Variants in RPTOR observed in about 807,000 individuals in gnomAD.
The protein encoded by RPTOR is regulatory-associated protein of mTOR.
RPTOR carries 21 observed loss-of-function variants against 169.9 expected under a neutral mutation model. That is an observed-to-expected ratio of 0.12 (90% CI 0.09 to 0.18). RPTOR has a LOEUF of 0.18. Ranked by LOEUF, RPTOR falls within the 10% of genes least tolerant of loss-of-function variation. RPTOR has a pLI of 1.00. For missense variants in RPTOR, 1,133 were observed against 1,855.9 expected (o/e 0.61, Z 7.16); for synonymous variants, 732 against 753.2 (o/e 0.97, Z 0.46).
At chr17:80,700,619 G>GTGATGA (rs2143054875) in intron 3 of RPTOR, among the ~76,000 whole-genome samples, 1 of 149,742 alleles carries the variant, frequency 6.7e-6, no homozygotes, top group East Asian at 2.0e-4. Context: ...GGTGATGGTG[G>GTGATGA]TGGTGGTGGC....
rs9912373 is a variant in RPTOR, at chr17:80,947,411, G to A, written c.3265+60G>A. ...AGGGTCTGGAGGAGTGGCGGGGAGG[G>A]TGTGTGATCCTGAGATGTGTTTGTA... On this transcript the variant is annotated intron_variant, in intron 27 of 33. Coordinates refer to ENST00000306801, the MANE Select transcript of RPTOR (RefSeq NM_020761.3). This position sits in a 1 kb window ranked among gnomAD's most constrained non-coding sequence, Gnocchi z 4.4. 153,909 of 1,471,458 alleles carry A rather than the reference G, an allele frequency of 0.1. 8,534 individuals carry two copies. The highest frequency in any genetic ancestry group is 0.18 in the African/African-American group (12,291 of 69,338). The allele number at this position is 1,471,458 out of a possible 1,614,324, so 91.2% of individuals were successfully genotyped here.
Position 80,872,230 on chromosome 17 carries a change from G to A in RPTOR, c.1510-8185G>A, listed in dbSNP as rs112722555. 6.4e-3 allele frequency among the ~76,000 whole-genome samples: 974 copies of A among 152,336 alleles called. 11 individuals are homozygous for A. The highest frequency in any genetic ancestry group is 0.022 in the African/African-American group (912 of 41,564). ...AAGCTGTCATCAGCGAGGAGGTGCC[G>A]TTGAGGGGACTCCGGGTGATGCTTT... On this transcript the variant is annotated intron_variant, in intron 13 of 33. Coordinates refer to ENST00000306801, the MANE Select transcript of RPTOR (RefSeq NM_020761.3).
intron 13 of RPTOR, among the ~76,000 whole-genome samples, chr17:80,862,351 C>T (rs1370699749): frequency 2.6e-5 from 4 of 152,138 alleles, no homozygotes; most frequent in African/African-American, 9.7e-5. Flanking sequence ...TCCATCGTTA[C>T]CCTGGCGATA....
intron 20 of RPTOR, among the ~76,000 whole-genome samples, chr17:80,903,102 T>C (rs2068496840): frequency 6.6e-6 from 1 of 152,172 alleles, no homozygotes; most frequent in African/African-American, 2.4e-5. Context: ...GGATCCAGGA[T>C]GGACTAATGC....
rs144097914 is a variant in RPTOR at position 80,965,125 on chromosome 17, G to C, written c.*795G>C. 4.3e-6 allele frequency: 1 copy of C among 233,216 alleles called. No homozygotes were observed. The highest frequency in any genetic ancestry group is 8.5e-6 in the Non-Finnish European group (1 of 118,088). The allele number at this position is 233,216 out of a possible 1,614,324, so 14.4% of individuals were successfully genotyped here. On this transcript the variant is annotated 3_prime_UTR_variant, in exon 34 of 34. Transcript: ENST00000306801. ...CGAGGTAGCCCCTGCCTTAATCCAC[G>C]GGGCTCCTTTCCCTCCGAAGGGCTG...
At chr17:80,561,275 A>T (rs192550374) in intron 1 of RPTOR, among the ~76,000 whole-genome samples, 1 of 54,962 alleles carries the variant, frequency 1.8e-5, no homozygotes. Context: ...ATATATATAT[A>T]TATATATATA....
Position 80,823,501 on chromosome 17 carries a change from C to T in RPTOR, c.1136+278C>T, listed in dbSNP as rs796202952. On this transcript the variant is annotated intron_variant, in intron 9 of 33. Coordinates refer to ENST00000306801, the MANE Select transcript of RPTOR (RefSeq NM_020761.3). This position sits in a 1 kb window ranked among gnomAD's most constrained non-coding sequence, Gnocchi z 4.5. Reference sequence around the variant, plus strand: ...AGCTCTGCAACTCGGGAGGGTAGCACTTTGCAAGAGAGTTTCTAACCTTTT... The same window carrying T: ...AGCTCTGCAACTCGGGAGGGTAGCATTTTGCAAGAGAGTTTCTAACCTTTT... 1.8e-4 allele frequency: 60 copies of T among 340,558 alleles called. No homozygotes were observed. The highest frequency in any genetic ancestry group is 1.1e-3 in the African/African-American group (51 of 48,404). 21.1% of individuals were successfully genotyped at this position (340,558 alleles called of 1,614,324 possible).
intron 23 of RPTOR, among the ~76,000 whole-genome samples, chr17:80,924,381 G>C (rs1455633091): frequency 6.6e-6 from 1 of 152,158 alleles, no homozygotes; most frequent in Non-Finnish European, 1.5e-5. Context: ...TCAGCAATGA[G>C]TGGGGTCCGG....
At position 80,947,969 on chromosome 17, in the gene RPTOR, T is replaced by C. The variant is rs2069123076; in HGVS notation, c.3265+618T>C. Reference sequence around the variant, plus strand: ...TTCATCTTCACTTTGGAACAATCGTTTGTTTCCATGTCAGTTACCCCACGT... The same window carrying C: ...TTCATCTTCACTTTGGAACAATCGTCTGTTTCCATGTCAGTTACCCCACGT... On this transcript the variant is annotated intron_variant, in intron 27 of 33. Transcript: ENST00000306801. The surrounding 1 kb of genome is among the most constrained non-coding windows in gnomAD (Gnocchi z 4.4). Among the ~76,000 whole-genome samples, 1 of 152,238 alleles carries C rather than the reference T, an allele frequency of 6.6e-6. No individual in the cohort carries two copies. The highest frequency in any genetic ancestry group is 1.5e-5 in the Non-Finnish European group (1 of 68,046).
intron 7 of RPTOR, among the ~76,000 whole-genome samples, chr17:80,795,999 A>G (rs1012402427): frequency 6.6e-6 from 1 of 152,102 alleles, no homozygotes; most frequent in Non-Finnish European, 1.5e-5. Flanking sequence ...TGAGGCACCT[A>G]CGACTCCCAG....
chr17:80,552,628 C>A (rs1568299715), intron 1 of RPTOR, among the ~76,000 whole-genome samples: 1 of 152,204 alleles, frequency 6.6e-6, no homozygotes. Context: ...GGATAGTTTA[C>A]AAAAGGCTTC....
At chr17:80,777,462 G>A (rs1277260519) in intron 6 of RPTOR, among the ~76,000 whole-genome samples, 1 of 152,110 alleles carries the variant, frequency 6.6e-6, no homozygotes, top group Non-Finnish European at 1.5e-5. Flanking sequence ...TGCTGTGTGT[G>A]AAGTGGTATC....
At chr17:80,777,152 G>A (rs370676072) in intron 6 of RPTOR, among the ~76,000 whole-genome samples, 8 of 151,666 alleles carry the variant, frequency 5.3e-5, no homozygotes, top group African/African-American at 7.3e-5. Flanking sequence ...CAGGAGAATC[G>A]CTTGAACCAG....
chr17:80,564,209 C>T (rs148172951), intron 1 of RPTOR, among the ~76,000 whole-genome samples: 2 of 152,172 alleles, frequency 1.3e-5, no homozygotes, highest in African/African-American at 4.8e-5. Context: ...ACTACAGGCG[C>T]CTGCCACCAC....
intron 14 of RPTOR, among the ~76,000 whole-genome samples, chr17:80,882,415 C>T (rs1438529270): frequency 6.6e-6 from 1 of 152,228 alleles, no homozygotes; most frequent in Non-Finnish European, 1.5e-5. Flanking sequence ...GTCCCCAGAA[C>T]AAACGTTATT....
intron 3 of RPTOR, among the ~76,000 whole-genome samples, chr17:80,649,116 T>G (rs1393976510): frequency 6.6e-6 from 1 of 152,206 alleles, no homozygotes; most frequent in Non-Finnish European, 1.5e-5. Flanking sequence ...GGGTTCTACC[T>G]TTTCTTAGGA....
chr17:80,762,265 G>A (rs981490567), intron 6 of RPTOR, among the ~76,000 whole-genome samples: 23 of 152,348 alleles, frequency 1.5e-4, no homozygotes, highest in African/African-American at 5.3e-4. Context: ...CCCGTCCTCG[G>A]GTGCTGCAGG....
chr17:80,853,038 G>A (rs1007053637), intron 11 of RPTOR, among the ~76,000 whole-genome samples: 7 of 151,936 alleles, frequency 4.6e-5, no homozygotes, highest in South Asian at 2.1e-4. Flanking sequence ...CCCCATCTCC[G>A]TATTGGCACC....
chr17:80,553,402 T>A (rs1395927114), intron 1 of RPTOR, among the ~76,000 whole-genome samples: 1 of 152,192 alleles, frequency 6.6e-6, no homozygotes. Flanking sequence ...AGCTGTCACT[T>A]CAAGGAATAC....
Sources: allele counts gnomAD v4.1 joint callset (sites outside exome capture counted in the v4.1 genomes callset), GRCh38; gene constraint gnomAD v4.1.1; non-coding constraint Gnocchi (gnomAD v3.1); transcripts MANE v1.5; gene names NCBI Gene and HGNC (gene_info 2026-07-23, HGNC 2026-07-21).